ZDHHC18: variants seen among roughly 807,000 people sequenced by gnomAD.
ZDHHC18 encodes zDHHC palmitoyltransferase 18.
ZDHHC18 carries 23 observed loss-of-function variants against 37.5 expected under a neutral mutation model. The observed-to-expected ratio is 0.61, with a 90% CI of 0.44 to 0.87. The LOEUF is 0.87. ZDHHC18 is among the 40% of genes least tolerant of loss of function. The pLI is 0.00. For synonymous variants in ZDHHC18, 185 were observed against 218.7 expected, an observed-to-expected ratio of 0.85 and a Z score of 1.36; for missense variants, 406 against 525.6, an observed-to-expected ratio of 0.77 and a Z score of 2.22.
intron 3 of ZDHHC18, among the ~76,000 whole-genome samples, chr1:26,849,734 C>T (rs528961467): frequency 1.1e-3 from 162 of 152,338 alleles, no homozygotes; most frequent in Non-Finnish European, 2.0e-3. Flanking sequence ...CAGCTCAGCC[C>T]CTCCCTGGGC....
At position 26,854,054 on chromosome 1, in the gene ZDHHC18, AC is replaced by A; in HGVS notation, c.*215del. 1.7e-6 allele frequency: 1 copy of A among 579,370 alleles called. No individual in the cohort carries two copies. The highest frequency in any genetic ancestry group is 3.1e-6 in the Non-Finnish European group (1 of 324,286). The allele number at this position is 579,370 out of a possible 1,614,324, so 35.9% of individuals were successfully genotyped here. A position where few individuals can be genotyped will look rare whatever the true frequency, so the allele number is the denominator to read the frequency against. ...GTTCCCACAGCCTTGGGCCCTAGGTACCCCAGCTGATCAGTGCCAGGAGAGA... is the reference window on the plus strand; with the variant it reads ...GTTCCCACAGCCTTGGGCCCTAGGTACCCAGCTGATCAGTGCCAGGAGAGA... On this transcript the variant is annotated 3_prime_UTR_variant, in exon 8 of 8. Transcript: ENST00000374142. The surrounding 1 kb of genome is among the most constrained non-coding windows in gnomAD (Gnocchi z 4.6).
At position 26,853,988 on chromosome 1, in the gene ZDHHC18, T is replaced by C. The variant is rs2081720747; in HGVS notation, c.*145T>C. ...ATTTCCCATCCTGCGTGGCTTTCCC[T>C]GAACTGTTCCGTGGCTGTGCCCTCT... On this transcript the variant is annotated 3_prime_UTR_variant, in exon 8 of 8. Transcript: ENST00000374142. 3.9e-6 allele frequency: 3 copies of C among 778,108 alleles called. No individual in the cohort carries two copies. The highest frequency in any genetic ancestry group is 2.3e-5 in the Admixed American group (1 of 42,704). 48.2% of individuals were successfully genotyped at this position (778,108 alleles called of 1,614,324 possible).
intron 2 of ZDHHC18, among the ~76,000 whole-genome samples, chr1:26,847,843 G>A (rs937036224): frequency 2.0e-5 from 3 of 151,964 alleles, no homozygotes; most frequent in African/African-American, 7.3e-5. Context: ...TACTGCACCC[G>A]ACCTCCTCTC....
At chr1:26,830,497 G>T (rs577964093) in intron 1 of ZDHHC18, among the ~76,000 whole-genome samples, 3 of 152,168 alleles carry the variant, frequency 2.0e-5, no homozygotes, top group South Asian at 2.1e-4. Flanking sequence ...TCTGTAGATA[G>T]TACAGTAACT....
chr1:26,833,368 C>T (rs540251887), intron 2 of ZDHHC18, among the ~76,000 whole-genome samples: 171 of 152,108 alleles, frequency 1.1e-3, no homozygotes, highest in Non-Finnish European at 1.5e-3. Context: ...GAGGGCTTGA[C>T]GGTGGGGTTA....
intron 6 of ZDHHC18, among the ~76,000 whole-genome samples, chr1:26,851,719 T>C (rs1358432141): frequency 6.6e-6 from 1 of 152,230 alleles, no homozygotes; most frequent in African/African-American, 2.4e-5. Flanking sequence ...ATGCGCTCCC[T>C]CTTCCACACT....
Position 26,855,895 on chromosome 1 carries a change from G to T in ZDHHC18, c.*2052G>T. ...GCTGGAGCTCTGTCCGCTGGAGGAA[G>T]AGCAGAGAGGGCTGCGGCTGAGCCC... On this transcript the variant is annotated 3_prime_UTR_variant, in exon 8 of 8. Coordinates refer to ENST00000374142, the MANE Select transcript of ZDHHC18 (RefSeq NM_032283.3). The T allele has an allele frequency of 4.7e-6, 1 of 214,186 alleles. No individual in the cohort carries two copies. The highest frequency in any genetic ancestry group is 1.0e-5 in the Non-Finnish European group (1 of 98,090). 13.3% of individuals were successfully genotyped at this position (214,186 alleles called of 1,614,324 possible).
chr1:26,828,367 C>T (rs1033303040), intron 1 of ZDHHC18, among the ~76,000 whole-genome samples: 1 of 152,052 alleles, frequency 6.6e-6, no homozygotes, highest in African/African-American at 2.4e-5. Flanking sequence ...CACTTCACCC[C>T]CTCAGTGCCC....
rs933022665 is a variant in ZDHHC18 at position 26,827,125 on chromosome 1, C to T, written c.321C>T (p.Leu107=). Residue 107 remains leucine, a synonymous_variant, in exon 1 of 8, where the codon CTC becomes CTT. Coordinates refer to ENST00000374142, the MANE Select transcript of ZDHHC18 (RefSeq NM_032283.3). ...TLLLILTTTG[L]FFVFDCPYLA... is the part of the protein sequence containing the mutation. ...TGCTCATCCTCACCACCACCGGCCT[C>T]TTCTTCGTCTTTGAGTGAGTTCCGC... 7 of 1,411,722 alleles carry T rather than the reference C, an allele frequency of 5.0e-6. No homozygotes were observed. The highest frequency in any genetic ancestry group is 2.4e-4 in the Middle Eastern group (1 of 4,246). 87.4% of individuals were successfully genotyped at this position (1,411,722 alleles called of 1,614,324 possible).
intron 6 of ZDHHC18, among the ~76,000 whole-genome samples, chr1:26,852,098 T>G (rs1230281816): frequency 6.6e-6 from 1 of 152,172 alleles, no homozygotes; most frequent in Non-Finnish European, 1.5e-5. Context: ...TGGTGATCAG[T>G]GAGAACAGAA....
intron 6 of ZDHHC18, 85 bp from the exon 7 acceptor site, chr1:26,852,668 C>A: frequency 1.7e-6 from 2 of 1,169,392 alleles, no homozygotes; most frequent in Non-Finnish European, 1.3e-6. Context: ...TCGGAATTGT[C>A]CAGTTGTCCC....
intron 2 of ZDHHC18, among the ~76,000 whole-genome samples, chr1:26,846,820 A>G (rs1262342005): frequency 6.6e-6 from 1 of 152,194 alleles, no homozygotes; most frequent in East Asian, 1.9e-4. Flanking sequence ...ATATTTCAAC[A>G]TATGTCTTAA....
Position 26,851,212 on chromosome 1 carries a change from A to G in ZDHHC18, c.917A>G (p.Asn306Ser). The change falls in exon 6 of 8, where the codon AAC (asparagine) becomes AGC (serine). Residue 306 changes from asparagine to serine, a missense_variant. Asn to Ser is a conservative substitution (Grantham distance 46). Coordinates refer to ENST00000374142, the MANE Select transcript of ZDHHC18 (RefSeq NM_032283.3). The stretch of plus-strand genomic sequence containing the variant: ...TTTCACACGTACCTCGTCGCCTCCA[A>G]CCTGACTACTAATGAAGACGTGAGT... ...SGFHTYLVAS[N>S]LTTNEDIKGS... 1.2e-6 allele frequency: 2 copies of G among 1,614,132 alleles called. No individual in the cohort carries two copies. Among genetic ancestry groups the G allele is most frequent in the Non-Finnish European group, 1.7e-6 (2 of 1,179,998 alleles).
chr1:26,849,846 T>C (rs1252112608), intron 3 of ZDHHC18, among the ~76,000 whole-genome samples: 1 of 152,216 alleles, frequency 6.6e-6, no homozygotes, highest in African/African-American at 2.4e-5. Context: ...CCGGCACTGC[T>C]CTGGATCCTG....
chr1:26,845,352 T>G (rs2081658729), intron 2 of ZDHHC18, among the ~76,000 whole-genome samples: 1 of 101,032 alleles, frequency 9.9e-6, no homozygotes, highest in Non-Finnish European at 1.9e-5. Context: ...TTTTTTTTTT[T>G]GAGACAGTCT....
At chr1:26,832,407 C>T (rs757634041) in intron 1 of ZDHHC18, 40 bp from the exon 2 acceptor site, 5 of 1,611,562 alleles carry the variant, frequency 3.1e-6, no homozygotes, top group Non-Finnish European at 4.2e-6. Context: ...GCAGGGAGCC[C>T]TTGGGGTGTC....
At position 26,830,466 on chromosome 1, in the gene ZDHHC18, G is replaced by A. The variant is rs1570664974; in HGVS notation, c.336-1981G>A. Among the ~76,000 whole-genome samples, 3 of 151,522 alleles carry A rather than the reference G, an allele frequency of 2.0e-5. No individual in the cohort carries two copies. In the East Asian group the frequency reaches 5.8e-4, roughly 29 times the overall value. ...CTTAGCCTGGTACCTGGCCCATCCAGGTACAGTAGTACAGTAACTATCTGT... is the reference window on the plus strand; with the variant it reads ...CTTAGCCTGGTACCTGGCCCATCCAAGTACAGTAGTACAGTAACTATCTGT... On this transcript the variant is annotated intron_variant, in intron 1 of 7. Transcript: ENST00000374142.
intron 2 of ZDHHC18, among the ~76,000 whole-genome samples, chr1:26,837,384 A>G (rs1228071113): frequency 6.8e-6 from 1 of 147,770 alleles, no homozygotes; most frequent in South Asian, 2.1e-4. Flanking sequence ...TTACATCTAT[A>G]TTTAATATGC....
intron 2 of ZDHHC18, among the ~76,000 whole-genome samples, chr1:26,839,334 G>A (rs2081627390): frequency 6.6e-6 from 1 of 152,146 alleles, no homozygotes; most frequent in Non-Finnish European, 1.5e-5. Flanking sequence ...GGCAGGGATA[G>A]CATCACTTAC....
Sources: allele counts gnomAD v4.1 joint callset (sites outside exome capture counted in the v4.1 genomes callset), GRCh38; gene constraint gnomAD v4.1.1; non-coding constraint Gnocchi (gnomAD v3.1); transcripts MANE v1.5; gene names NCBI Gene and HGNC (gene_info 2026-07-23, HGNC 2026-07-21).